Variants in KDM7A observed in about 807,000 individuals in gnomAD.
KDM7A encodes the protein lysine-specific demethylase 7A.
A neutral mutation model predicts 114.8 loss-of-function variants in KDM7A; 28 were observed. The ratio of observed to expected loss-of-function variants is 0.24; its 90% CI spans 0.18 to 0.33. The LOEUF (loss-of-function observed/expected upper bound fraction) is 0.33, where lower values mean the gene tolerates loss of function less well. KDM7A is among the 10% of genes least tolerant of loss of function. The probability of loss-of-function intolerance (pLI) is 1.00; values close to 1 mark genes in which losing one functional copy is unlikely to be tolerated. For synonymous variants in KDM7A, 423 were observed against 397.8 expected (o/e 1.06, Z -0.75); for missense variants, 942 against 1,142.5 (o/e 0.82, Z 2.53).
chr7:140,136,874 C>G (rs868222734), intron 2 of KDM7A, among the ~76,000 whole-genome samples: 1 of 152,164 alleles, frequency 6.6e-6, no homozygotes, highest in Non-Finnish European at 1.5e-5. Flanking sequence ...GTAATCCCAG[C>G]TACTCAGGAG....
chr7:140,134,634 C>A (rs1818839450), intron 2 of KDM7A, among the ~76,000 whole-genome samples: 1 of 151,634 alleles, frequency 6.6e-6, no homozygotes, highest in Non-Finnish European at 1.5e-5. Context: ...CTGATATCTG[C>A]AATTTATTTA....
chr7:140,166,190 G>A (rs1249446500), intron 1 of KDM7A, among the ~76,000 whole-genome samples: 1 of 151,988 alleles, frequency 6.6e-6, no homozygotes, highest in Non-Finnish European at 1.5e-5. Context: ...GATAAGCGGG[G>A]ACACACTACT....
At chr7:140,117,664 A>G (rs889934659) in intron 9 of KDM7A, among the ~76,000 whole-genome samples, 3 of 152,230 alleles carry the variant, frequency 2.0e-5, no homozygotes, top group South Asian at 2.1e-4. Flanking sequence ...TTATAAGTAT[A>G]TAAGTGTTCC....
At chr7:140,105,924 T>A (rs995512823) in intron 11 of KDM7A, among the ~76,000 whole-genome samples, 1 of 152,154 alleles carries the variant, frequency 6.6e-6, no homozygotes, top group African/African-American at 2.4e-5. Context: ...GGTCCTGGAC[T>A]TTTTTTGGGT....
intron 1 of KDM7A, among the ~76,000 whole-genome samples, chr7:140,150,172 T>C (rs192502611): frequency 4.6e-5 from 7 of 152,314 alleles, no homozygotes; most frequent in Non-Finnish European, 8.8e-5. Flanking sequence ...TCTAGCAGCT[T>C]TGACCACCAC....
chr7:140,105,988 G>C (rs1407408555), intron 11 of KDM7A, among the ~76,000 whole-genome samples: 2 of 152,020 alleles, frequency 1.3e-5, no homozygotes, highest in East Asian at 3.9e-4. Flanking sequence ...GTATATTCAG[G>C]GATTCAACTT....
Position 140,090,977 on chromosome 7 carries a change from G to A in KDM7A, c.*117C>T, listed in dbSNP as rs1818008111. The A allele has an allele frequency of 1.1e-5, 8 of 707,782 alleles. 1 individual carries two copies. Among genetic ancestry groups the A allele is most frequent in the Middle Eastern group, 3.1e-4 (1 of 3,224 alleles). 43.8% of individuals were successfully genotyped at this position (707,782 alleles called of 1,614,324 possible). A position where few individuals can be genotyped will look rare whatever the true frequency, so the allele number is the denominator to read the frequency against. ...CAGCATCAGGTTCATTCTGTTCTTC[G>A]GGCAGTGTTCTTACTATACACACAA... On this transcript the variant is annotated 3_prime_UTR_variant, in exon 20 of 20. Transcript: ENST00000397560.
chr7:140,109,351 G>A (rs886722591), intron 11 of KDM7A, among the ~76,000 whole-genome samples: 13 of 152,324 alleles, frequency 8.5e-5, no homozygotes, highest in African/African-American at 2.9e-4. Flanking sequence ...TGTCGCTCAC[G>A]CTGGGAGCTG....
At chr7:140,124,927 AC>A (rs1180030166) in intron 6 of KDM7A, 144 bp from the exon 7 acceptor site, 1 of 599,614 alleles carries the variant, frequency 1.7e-6, no homozygotes, top group African/African-American at 1.9e-5. Flanking sequence ...TATTTCACAC[AC>A]CTGATCAGTA....
intron 11 of KDM7A, among the ~76,000 whole-genome samples, chr7:140,108,929 C>A (rs1483820863): frequency 1.3e-5 from 2 of 152,202 alleles, no homozygotes; most frequent in Non-Finnish European, 2.9e-5. Context: ...CCAGTTTGAG[C>A]TTCCTGGCTG....
chr7:140,129,548 T>C lies in KDM7A; in HGVS notation c.504A>G (p.Leu168=), dbSNP rs535462158. 1.2e-6 allele frequency: 2 copies of C among 1,613,452 alleles called. No homozygotes were observed. Among genetic ancestry groups the C allele is most frequent in the African/African-American group, 2.7e-5 (2 of 75,032 alleles). Reference sequence around the variant, plus strand: ...ATGTAGGTGAAGGGAGCCTGAGTCCTAGATCATCTAATTTTGGGACCATAA... The same window carrying C: ...ATGTAGGTGAAGGGAGCCTGAGTCCCAGATCATCTAATTTTGGGACCATAA... ...VPIMVPKLDD[L]GLRLPSPTFS... The change falls in exon 4 of 20, where the codon CTA becomes CTG. Residue 168 remains leucine, a synonymous_variant. Transcript: ENST00000397560.
At chr7:140,113,894 C>T (rs748733502) in intron 9 of KDM7A, among the ~76,000 whole-genome samples, 2 of 152,132 alleles carry the variant, frequency 1.3e-5, no homozygotes, top group Admixed American at 6.5e-5. Flanking sequence ...AGTCCTCCAG[C>T]CCTGGCCTTC....
In KDM7A at chr7:140,129,644, T is replaced by C. The variant is rs772936877; in HGVS notation, c.408A>G (p.Glu136=). The change falls in exon 4 of 20, where the codon GAA becomes GAG. Residue 136 remains glutamate (E), a synonymous_variant. Transcript: ENST00000397560. ...GGCTGCCATGCATCTTTATAATTAT[T>C]TCATCGGCACTAAGGAAAAACATAA... ...LRSRVFPSAD[E]IIIKMHGSQL... 1 of 1,605,194 alleles carries C rather than the reference T, an allele frequency of 6.2e-7. No homozygotes were observed. The highest frequency in any genetic ancestry group is 1.1e-5 in the South Asian group (1 of 90,780).
intron 9 of KDM7A, among the ~76,000 whole-genome samples, chr7:140,114,865 G>T (rs1398105280): frequency 5.6e-5 from 6 of 106,562 alleles, no homozygotes; most frequent in Non-Finnish European, 1.0e-4. Context: ...CAGCCGCCCC[G>T]TCTGAGAAGT....
intron 1 of KDM7A, among the ~76,000 whole-genome samples, chr7:140,141,440 C>T (rs1016248356): frequency 6.6e-6 from 1 of 151,972 alleles, no homozygotes; most frequent in African/African-American, 2.4e-5. Context: ...GAAACAGATG[C>T]CAGTGCCCAA....
chr7:140,111,325 G>A (rs186333535), intron 10 of KDM7A, 141 bp from the exon 11 acceptor site: 18 of 584,872 alleles, frequency 3.1e-5, no homozygotes, highest in East Asian at 2.6e-4. Context: ...TTCAGAGTTC[G>A]TGTAGCTAGT....
intron 1 of KDM7A, among the ~76,000 whole-genome samples, chr7:140,162,728 A>G (rs1462560505): frequency 1.3e-5 from 2 of 152,200 alleles, no homozygotes; most frequent in East Asian, 1.9e-4. Flanking sequence ...GAAACTTACC[A>G]TAAGGATACC....
intron 1 of KDM7A, among the ~76,000 whole-genome samples, chr7:140,156,073 T>C (rs1316254456): frequency 1.3e-5 from 2 of 152,204 alleles, no homozygotes; most frequent in African/African-American, 2.4e-5. Flanking sequence ...CTTACCATAA[T>C]GGGAGGTTTC....
At chr7:140,107,474 C>CA (rs551666470) in intron 11 of KDM7A, among the ~76,000 whole-genome samples, 1,826 of 152,258 alleles carry the variant, frequency 0.012, 19 homozygotes, top group Non-Finnish European at 0.015. Flanking sequence ...CTGGTGGTGA[C>CA]AAAATCTCTC....
Sources: allele counts gnomAD v4.1 joint callset (sites outside exome capture counted in the v4.1 genomes callset), GRCh38; gene constraint gnomAD v4.1.1; transcripts MANE v1.5; gene names NCBI Gene and HGNC (gene_info 2026-07-23, HGNC 2026-07-21).